Variants in PPP3CC observed in about 807,000 individuals in gnomAD.
PPP3CC encodes the protein serine/threonine-protein phosphatase 2B catalytic subunit gamma isoform.
Under a neutral mutation model 60.3 loss-of-function variants are expected in PPP3CC, and 35 were observed. That is an observed-to-expected ratio of 0.58 (90% CI 0.44 to 0.77). The LOEUF (loss-of-function observed/expected upper bound fraction) is 0.77. PPP3CC is among the 30% of genes least tolerant of loss of function. The pLI is 0.00. For missense variants in PPP3CC, 570 were observed against 628.9 expected, an observed-to-expected ratio of 0.91 and a Z score of 1.00; for synonymous variants, 206 against 224.3, an observed-to-expected ratio of 0.92 and a Z score of 0.73.
intron 8 of PPP3CC, among the ~76,000 whole-genome samples, chr8:22,525,902 G>A (rs1839549152): frequency 6.9e-6 from 1 of 144,380 alleles, no homozygotes; most frequent in Non-Finnish European, 1.5e-5. Context: ...GAGTCTCACT[G>A]TGTTGCCCAG....
chr8:22,446,960 A>G (rs951308914), intron 1 of PPP3CC, among the ~76,000 whole-genome samples: 1 of 151,976 alleles, frequency 6.6e-6, no homozygotes, highest in Non-Finnish European at 1.5e-5. Flanking sequence ...ATGTCTTAGA[A>G]TCATTACCAT....
intron 6 of PPP3CC, among the ~76,000 whole-genome samples, chr8:22,521,652 C>T (rs1839407902): frequency 1.3e-5 from 2 of 152,220 alleles, no homozygotes; most frequent in African/African-American, 2.4e-5. Flanking sequence ...CTACAACCTA[C>T]TTTAAAAGTA....
intron 1 of PPP3CC, among the ~76,000 whole-genome samples, chr8:22,455,200 G>T (rs548935585): frequency 4.6e-5 from 7 of 152,110 alleles, no homozygotes; most frequent in Non-Finnish European, 1.0e-4. Context: ...ATTACATGGA[G>T]CACATTTCTG....
At chr8:22,444,542 T>C (rs1274379323) in intron 1 of PPP3CC, among the ~76,000 whole-genome samples, 2 of 152,236 alleles carry the variant, frequency 1.3e-5, no homozygotes, top group Non-Finnish European at 2.9e-5. Flanking sequence ...GGGTGAAATC[T>C]CGTCGGTAAC....
chr8:22,490,999 A>G (rs1046291765), intron 3 of PPP3CC, among the ~76,000 whole-genome samples: 3 of 152,238 alleles, frequency 2.0e-5, no homozygotes, highest in South Asian at 2.1e-4. Flanking sequence ...CCAGGTTACT[A>G]CTATACGTGC....
chr8:22,451,134 C>T (rs1352944168), intron 1 of PPP3CC, among the ~76,000 whole-genome samples: 1 of 148,326 alleles, frequency 6.7e-6, no homozygotes. Flanking sequence ...CCACCGCACC[C>T]GGCCCATTTA....
chr8:22,528,534 C>CATATTTACCAGCTCAA lies in PPP3CC; in HGVS notation c.1102_1103insTTACCAGCTCAAATAT (p.Cys368PhefsTer8). On this transcript the variant is annotated frameshift_variant, in exon 10 of 14. Transcript: ENST00000240139. LOFTEE classifies it high-confidence loss of function. Reference sequence around the variant, plus strand: ...CAGAGATGCTGGTAAATGTGCTCAACATATGCTCTGATGACGAACTGATTT... The same window carrying CATATTTACCAGCTCAA: ...CAGAGATGCTGGTAAATGTGCTCAACATATTTACCAGCTCAAATATGCTCTGATGACGAACTGATTT... The CATATTTACCAGCTCAA allele has an allele frequency of 6.4e-7, 1 of 1,564,524 alleles. No homozygotes were observed. The highest frequency in any genetic ancestry group is 8.7e-7 in the Non-Finnish European group (1 of 1,151,306).
chr8:22,517,828 G>A (rs2443505), intron 6 of PPP3CC, among the ~76,000 whole-genome samples: 68,853 of 151,538 alleles, frequency 0.45, 15,642 homozygotes, highest in East Asian at 0.56. Flanking sequence ...ACTTTTTTCT[G>A]TTGTTTTTCT....
chr8:22,449,712 A>G (rs568055052), intron 1 of PPP3CC, among the ~76,000 whole-genome samples: 13 of 152,204 alleles, frequency 8.5e-5, no homozygotes, highest in Admixed American at 3.9e-4. Flanking sequence ...TTAACTAAGA[A>G]GTAGAGAGAA....
At chr8:22,477,621 C>A (rs1837932781) in intron 3 of PPP3CC, among the ~76,000 whole-genome samples, 1 of 151,998 alleles carries the variant, frequency 6.6e-6, no homozygotes, top group South Asian at 2.1e-4. Flanking sequence ...TCTAATTAGG[C>A]ATTTTATTTT....
chr8:22,532,161 G>A, intron 10 of PPP3CC, 64 bp from the exon 11 acceptor site: 1 of 1,225,370 alleles, frequency 8.2e-7, no homozygotes, highest in South Asian at 1.4e-5. Flanking sequence ...ACTTCATCCT[G>A]AATTTTTTAA....
At chr8:22,467,817 A>G (rs1054275006) in intron 1 of PPP3CC, among the ~76,000 whole-genome samples, 3 of 152,178 alleles carry the variant, frequency 2.0e-5, no homozygotes, top group Admixed American at 6.5e-5. Flanking sequence ...TGGGAAGTCC[A>G]AGAGTCAGCT....
At chr8:22,510,448 C>T (rs1387140210) in intron 4 of PPP3CC, among the ~76,000 whole-genome samples, 2 of 152,070 alleles carry the variant, frequency 1.3e-5, no homozygotes, top group African/African-American at 4.8e-5. Context: ...TCTTCAACAC[C>T]CCTAAGAGAT....
At chr8:22,462,861 G>A (rs756125729) in intron 1 of PPP3CC, among the ~76,000 whole-genome samples, 18 of 152,156 alleles carry the variant, frequency 1.2e-4, no homozygotes, top group African/African-American at 1.9e-4. Flanking sequence ...CAGCATTTAA[G>A]ACTCTAAAGA....
rs76001038 is a variant in PPP3CC, at chr8:22,470,865, C to T, written c.50-4089C>T. On this transcript the variant is annotated intron_variant, in intron 1 of 13. Coordinates refer to ENST00000240139, the MANE Select transcript of PPP3CC (RefSeq NM_005605.5). ...CTGTTGGGTAAAACCAATGTTGACC[C>T]CATAAACTTTCAGTCCCATTCTTGG... Among the ~76,000 whole-genome samples, 34 of 152,258 alleles carry T rather than the reference C, an allele frequency of 2.2e-4. 1 individual carries two copies. The East Asian group carries it at 5.8e-3, about 26-fold the overall frequency.
At chr8:22,452,337 C>T (rs930943043) in intron 1 of PPP3CC, among the ~76,000 whole-genome samples, 5 of 152,094 alleles carry the variant, frequency 3.3e-5, no homozygotes, top group African/African-American at 9.7e-5. Flanking sequence ...CCTGGCCCTG[C>T]GTAGAATCTT....
At chr8:22,469,555 TAAAA>T (rs1479548582) in intron 1 of PPP3CC, among the ~76,000 whole-genome samples, 2 of 150,972 alleles carry the variant, frequency 1.3e-5, no homozygotes, top group Non-Finnish European at 3.0e-5. Context: ...TTTGCACAAA[TAAAA>T]AGAGGGAAAA....
At chr8:22,444,261 C>CAAA (rs140849668) in intron 1 of PPP3CC, among the ~76,000 whole-genome samples, 2 of 122,588 alleles carry the variant, frequency 1.6e-5, no homozygotes, top group African/African-American at 3.0e-5. Flanking sequence ...AGTCTCAAGC[C>CAAA]AAAAAAAAAA....
intron 3 of PPP3CC, among the ~76,000 whole-genome samples, chr8:22,484,889 A>T (rs1317076055): frequency 6.6e-6 from 1 of 152,240 alleles, no homozygotes; most frequent in African/African-American, 2.4e-5. Flanking sequence ...AAGAGGAGGC[A>T]GAGCGGGAGG....
Sources: allele counts gnomAD v4.1 joint callset (sites outside exome capture counted in the v4.1 genomes callset), GRCh38; gene constraint gnomAD v4.1.1; transcripts MANE v1.5; gene names NCBI Gene and HGNC (gene_info 2026-07-23, HGNC 2026-07-21).